TEX2: variants seen among roughly 807,000 people sequenced by gnomAD.
TEX2 encodes the protein testis-expressed protein 2.
In TEX2, 53 loss-of-function variants were observed where a neutral mutation model predicts 106.9. The ratio of observed to expected loss-of-function variants is 0.50; its 90% CI spans 0.40 to 0.62. The LOEUF (loss-of-function observed/expected upper bound fraction) is 0.62, where lower values mean the gene tolerates loss of function less well. TEX2 is among the 20% of genes least tolerant of loss of function. TEX2 has a pLI of 0.00. For missense variants in TEX2, 1,207 were observed against 1,379.0 expected (o/e 0.88, Z 1.98); for synonymous variants, 523 against 534.8 (o/e 0.98, Z 0.30).
At position 64,171,089 on chromosome 17, in the gene TEX2, T is replaced by C. The variant is rs768810783; in HGVS notation, c.2671+11A>G. The C allele has an allele frequency of 6.2e-7, 1 of 1,608,720 alleles. No individual in the cohort carries two copies. On this transcript the variant is annotated intron_variant, in intron 7 of 11. Transcript: ENST00000584379. ...ATTTTAACACTCATAGAATGGTCAG[T>C]TAGGAGTTACCTTGGTGATCAACGT...
chr17:64,251,697 A>G (rs1237039828), intron 1 of TEX2, among the ~76,000 whole-genome samples: 1 of 152,194 alleles, frequency 6.6e-6, no homozygotes, highest in Non-Finnish European at 1.5e-5. Flanking sequence ...AGAAGGGGGA[A>G]GCCTCCCCAT....
intron 2 of TEX2, among the ~76,000 whole-genome samples, chr17:64,206,542 A>T (rs920036149): frequency 1.6e-4 from 22 of 138,910 alleles, no homozygotes; most frequent in Non-Finnish European, 3.2e-4. Flanking sequence ...GGCCACATAG[A>T]GGTCTTACTT....
intron 3 of TEX2, among the ~76,000 whole-genome samples, chr17:64,194,689 C>A (rs928997361): frequency 6.6e-6 from 1 of 152,130 alleles, no homozygotes; most frequent in Non-Finnish European, 1.5e-5. Flanking sequence ...CGAGGCCCTG[C>A]CCACAGCTAC....
chr17:64,188,445 AC>A (rs760131994), intron 4 of TEX2, 30 bp from the exon 5 acceptor site: 2 of 1,606,846 alleles, frequency 1.2e-6, no homozygotes, highest in Non-Finnish European at 1.7e-6. Context: ...GGCTATTCAC[AC>A]AATGAAGAAA....
chr17:64,161,044 AT>A, intron 7 of TEX2, 111 bp from the exon 8 acceptor site: 2 of 1,155,948 alleles, frequency 1.7e-6, no homozygotes. Context: ...AAGTCCATGT[AT>A]CGTCTACTAC....
At position 64,212,667 on chromosome 17, in the gene TEX2, T is replaced by C. The variant is rs141233337; in HGVS notation, c.1551A>G (p.Thr517=). 2,390 of 1,614,156 alleles carry C rather than the reference T, an allele frequency of 1.5e-3. 51 individuals are homozygous for C. In the South Asian group the frequency reaches 0.025, roughly 17 times the overall value. The change falls in exon 2 of 12, where the codon ACA becomes ACG. Residue 517 remains threonine (T), a synonymous_variant. Coordinates refer to ENST00000584379, the MANE Select transcript of TEX2 (RefSeq NM_001288732.2). ...TGTGATATTTATGAGCACTTGGTGG[T>C]GTAAAAAACCAAATCACGCAAACTG... ...MTAVCVIWFF[T]PPSAHKYHKL... is the part of the protein sequence containing the mutation.
intron 1 of TEX2, among the ~76,000 whole-genome samples, chr17:64,228,667 C>A (rs1026056828): frequency 1.3e-5 from 2 of 152,144 alleles, no homozygotes; most frequent in African/African-American, 2.4e-5. Flanking sequence ...CACAGCTCAC[C>A]TCCTGGTGTG....
chr17:64,212,491 G>T, intron 2 of TEX2, 83 bp downstream of exon 2: 1 of 1,338,362 alleles, frequency 7.5e-7, no homozygotes, highest in Non-Finnish European at 1.0e-6. Flanking sequence ...ATCTTTAACA[G>T]CTAACCAAAA....
chr17:64,227,761 C>T (rs2033546041), intron 1 of TEX2, among the ~76,000 whole-genome samples: 1 of 152,144 alleles, frequency 6.6e-6, no homozygotes, highest in Non-Finnish European at 1.5e-5. Flanking sequence ...AATCATTTAC[C>T]CTAACCAAGC....
intron 5 of TEX2, among the ~76,000 whole-genome samples, chr17:64,184,187 C>A (rs2031988598): frequency 6.6e-6 from 1 of 152,180 alleles, no homozygotes; most frequent in Non-Finnish European, 1.5e-5. Flanking sequence ...CAGCTCTGAC[C>A]TCCCTGACTC....
intron 1 of TEX2, among the ~76,000 whole-genome samples, chr17:64,225,376 G>C (rs1452792910): frequency 1.3e-5 from 2 of 152,144 alleles, no homozygotes; most frequent in African/African-American, 2.4e-5. Flanking sequence ...CTACACAAGA[G>C]GGACGTTAAC....
Position 64,153,151 on chromosome 17 carries a change from G to A in TEX2, c.2934C>T (p.Tyr978=), listed in dbSNP as rs750858485. 4.3e-6 allele frequency: 7 copies of A among 1,611,292 alleles called. No homozygotes were observed. The highest frequency in any genetic ancestry group is 3.3e-5 in the South Asian group (3 of 90,904). ...TCTTACTTGTTCGATGACCTCCAAC[G>A]TACCTTCAAATGTGGAACACAAAGG... ...DKQLLPGAEG[Y]VGGHRTSKIM... is the part of the protein sequence containing the mutation. Residue 978 remains tyrosine, a synonymous_variant, in exon 10 of 12, where the codon TAC becomes TAT. Transcript: ENST00000584379. This position sits in a 1 kb window ranked among gnomAD's most constrained non-coding sequence, Gnocchi z 4.1.
At chr17:64,231,688 C>A (rs1555634650) in intron 1 of TEX2, among the ~76,000 whole-genome samples, 1 of 152,166 alleles carries the variant, frequency 6.6e-6, no homozygotes, top group African/African-American at 2.4e-5. Flanking sequence ...AACACAATTG[C>A]ACAGAAAACC....
chr17:64,220,677 C>T (rs994923853), intron 1 of TEX2, among the ~76,000 whole-genome samples: 1 of 151,982 alleles, frequency 6.6e-6, no homozygotes, highest in South Asian at 2.1e-4. Context: ...AGTCAGATGA[C>T]AATTATTAAA....
chr17:64,155,017 C>T, intron 8 of TEX2, 50 bp from the exon 9 acceptor site: 7 of 1,499,758 alleles, frequency 4.7e-6, no homozygotes, highest in Non-Finnish European at 6.2e-6. Context: ...CCAAGCTCTG[C>T]TTAGAAAGAG....
At position 64,150,938 on chromosome 17, in the gene TEX2, T is replaced by A. The variant is rs751042357; in HGVS notation, c.3164A>T (p.His1055Leu). The A allele has an allele frequency of 3.7e-6, 6 of 1,613,916 alleles. No individual in the cohort carries two copies. The Admixed American group carries it at 1.0e-4, about 27-fold the overall frequency. ...RVWYGFRKPPHVELKARPKLG... is the reference protein window; with the variant it reads ...RVWYGFRKPPLVELKARPKLG... ...TTTTGGCCGAGCTTTCAGCTCCACA[T>A]GTGGTGGCTTTCGGAAACCATACCT... The change falls in exon 11 of 12, where the codon CAT becomes CTT. Residue 1055 changes from histidine to leucine, a missense_variant. Physicochemically the swap from His to Leu is moderately conservative, Grantham distance 99. Transcript: ENST00000584379.
In TEX2 at chr17:64,263,258, C is replaced by G. The variant is rs1394366065; in HGVS notation, c.-116G>C. 1 of 148,662 alleles carries G rather than the reference C, an allele frequency of 6.7e-6. No homozygotes were observed. The highest frequency in any genetic ancestry group is 1.5e-5 in the Non-Finnish European group (1 of 66,596). 9.2% of individuals were successfully genotyped at this position (148,662 alleles called of 1,614,324 possible). A position where few individuals can be genotyped will look rare whatever the true frequency, so the allele number is the denominator to read the frequency against. On this transcript the variant is annotated 5_prime_UTR_variant, in exon 1 of 12. Coordinates refer to ENST00000584379, the MANE Select transcript of TEX2 (RefSeq NM_001288732.2). ...CTTCGGCTGGGGCACCGGCCGCGGT[C>G]CTGCTGCCCTGCCGCCCGCCCGCCC...
chr17:64,184,189 C>T (rs890011108), intron 5 of TEX2, among the ~76,000 whole-genome samples: 1 of 152,182 alleles, frequency 6.6e-6, no homozygotes, highest in Non-Finnish European at 1.5e-5. Flanking sequence ...GCTCTGACCT[C>T]CCTGACTCGA....
intron 5 of TEX2, among the ~76,000 whole-genome samples, chr17:64,180,538 A>G (rs760022551): frequency 4.6e-5 from 7 of 152,242 alleles, no homozygotes; most frequent in Non-Finnish European, 8.8e-5. Context: ...CCTGGATTCA[A>G]CAGCCTGCTA....
Sources: gnomAD v4.1 joint callset for allele counts (sites outside exome capture counted in the v4.1 genomes callset) on GRCh38, gnomAD v4.1.1 for gene constraint, Gnocchi (gnomAD v3.1) non-coding constraint, MANE v1.5 for transcripts, NCBI Gene and HGNC (gene_info 2026-07-23, HGNC 2026-07-21) for gene names.